Variants in PCDHGB5 observed in about 807,000 individuals in gnomAD.
PCDHGB5 encodes protocadherin gamma-B5.
Under a neutral mutation model 62.9 loss-of-function variants are expected in PCDHGB5, and 48 were observed. That is an observed-to-expected ratio of 0.76 (90% CI 0.61 to 0.97). PCDHGB5 has a LOEUF of 0.97. Among genes scored for constraint, PCDHGB5 ranks in the 50% least tolerant of loss-of-function variants. PCDHGB5 has a pLI of 0.00. For synonymous variants in PCDHGB5, 474 were observed against 511.2 expected (o/e 0.93, Z 0.98); for missense variants, 1,118 against 1,198.6 (o/e 0.93, Z 0.99).
At position 141,486,230 on chromosome 5, in the gene PCDHGB5, A is replaced by G. The variant is rs1463946178; in HGVS notation, c.2398-8577A>G. ...TGACAATGCCCCTTACATCACAGTG[A>G]CCTCAGAGCTTGGAACCCTCCCCGA... On this transcript the variant is annotated intron_variant, in intron 1 of 3. Coordinates refer to ENST00000617380, the MANE Select transcript of PCDHGB5 (RefSeq NM_018925.3). This position sits in a 1 kb window ranked among gnomAD's most constrained non-coding sequence, Gnocchi z 5.0. 2 of 1,613,898 alleles carry G rather than the reference A, an allele frequency of 1.2e-6. No individual in the cohort carries two copies. The highest frequency in any genetic ancestry group is 2.2e-5 in the East Asian group (1 of 44,878).
intron 1 of PCDHGB5, among the ~76,000 whole-genome samples, chr5:141,471,737 A>G (rs2099263581): frequency 6.6e-6 from 1 of 152,232 alleles, no homozygotes; most frequent in Non-Finnish European, 1.5e-5. Context: ...AAGGTTGGAG[A>G]CATAACATAT....
intron 3 of PCDHGB5, among the ~76,000 whole-genome samples, chr5:141,507,479 C>T (rs1050741571): frequency 1.3e-5 from 2 of 152,198 alleles, no homozygotes; most frequent in East Asian, 1.9e-4. Flanking sequence ...GACTGCTGGC[C>T]TCCTGAGGCA....
Position 141,423,519 on chromosome 5 carries a change from G to A in PCDHGB5, c.2397+22995G>A, listed in dbSNP as rs758742300. On this transcript the variant is annotated intron_variant, in intron 1 of 3. Coordinates refer to ENST00000617380, the MANE Select transcript of PCDHGB5 (RefSeq NM_018925.3). ...ACGAGGTCTCTCTCATTGCGGACTC[G>A]CAGAAGAGTCACCTGATTTTCCCCC... 8.1e-6 allele frequency: 13 copies of A among 1,613,752 alleles called. 1 individual carries two copies. In the South Asian group the frequency reaches 1.1e-4, roughly 14 times the overall value.
rs376937850 is a variant in PCDHGB5 at position 141,491,097 on chromosome 5, C to T, written c.2398-3710C>T. The T allele has an allele frequency of 1.2e-6, 2 of 1,614,170 alleles. No homozygotes were observed. Among genetic ancestry groups the T allele is most frequent in the Non-Finnish European group, 1.7e-6 (2 of 1,180,018 alleles). On this transcript the variant is annotated intron_variant, in intron 1 of 3. Coordinates refer to ENST00000617380, the MANE Select transcript of PCDHGB5 (RefSeq NM_018925.3). The surrounding 1 kb of genome is among the most constrained non-coding windows in gnomAD (Gnocchi z 6.9). ...CACAGTCCACAGCCCCAGGACTGTT[C>T]CTCGTGTCTACACACACTGGTGAGG...
rs1219684339 is a variant in PCDHGB5, at chr5:141,506,444, CAAAAAAAAAAA to C, written c.2545+974_2545+984del. Among the ~76,000 whole-genome samples, 33 of 95,024 alleles carry C rather than the reference CAAAAAAAAAAA, an allele frequency of 3.5e-4. No individual in the cohort carries two copies. The East Asian group carries it at 0.011, about 31-fold the overall frequency. The allele number at this position is 95,024 out of a possible 152,430, so 62.3% of individuals were successfully genotyped here. On this transcript the variant is annotated intron_variant, in intron 3 of 3. Coordinates refer to ENST00000617380, the MANE Select transcript of PCDHGB5 (RefSeq NM_018925.3). ...CCTGGGCAACAGTCTCGCTCTGTCTCAAAAAAAAAAAAAAAAAAAAAGAGCACAGGCTTTAG... is the reference window on the plus strand; with the variant it reads ...CCTGGGCAACAGTCTCGCTCTGTCTCAAAAAAAAAAGAGCACAGGCTTTAG...
At chr5:141,421,531 T>G (rs1318944446) in intron 1 of PCDHGB5, 1 of 1,613,904 alleles carries the variant, frequency 6.2e-7, no homozygotes, top group Non-Finnish European at 8.5e-7. Flanking sequence ...GACGGTGTCC[T>G]CCTGTTTTTT....
Position 141,403,122 on chromosome 5 carries a change from G to A in PCDHGB5, c.2397+2598G>A, listed in dbSNP as rs550510039. 4.3e-5 allele frequency: 69 copies of A among 1,613,932 alleles called. No individual in the cohort carries two copies. Among genetic ancestry groups the A allele is most frequent in the East Asian group, 8.9e-5 (4 of 44,898 alleles). ...TCCAAGGACCTGGCTCTGGAGCCCC[G>A]GGAGCTGGCGGAGCGCCGAGTCCGC... On this transcript the variant is annotated intron_variant, in intron 1 of 3. Transcript: ENST00000617380.
intron 1 of PCDHGB5, chr5:141,413,123 AAACACAC>A (rs2095606041): frequency 2.0e-6 from 3 of 1,526,818 alleles, no homozygotes; most frequent in Middle Eastern, 3.6e-4. Context: ...GAACCGGTTG[AAACACAC>A]AACGTGTCCA....
Position 141,487,686 on chromosome 5 carries a change from T to G in PCDHGB5, c.2398-7121T>G, listed in dbSNP as rs778973495. The G allele has an allele frequency of 4.4e-6, 7 of 1,605,914 alleles. 1 individual carries two copies. The African/African-American group carries it at 9.4e-5, about 21-fold the overall frequency. On this transcript the variant is annotated intron_variant, in intron 1 of 3. Coordinates refer to ENST00000617380, the MANE Select transcript of PCDHGB5 (RefSeq NM_018925.3). The surrounding 1 kb of genome is among the most constrained non-coding windows in gnomAD (Gnocchi z 5.0). Reference sequence around the variant, plus strand: ...CCAGGCATATGGCTAGGCCATGTCCTAGAGAGTACTGGCCTCTCAGTAAGT... The same window carrying G: ...CCAGGCATATGGCTAGGCCATGTCCGAGAGAGTACTGGCCTCTCAGTAAGT...
Position 141,399,283 on chromosome 5 carries a change from G to T in PCDHGB5, c.1156G>T (p.Val386Phe), listed in dbSNP as rs533695738. ...GGTTAATTGTCAATTACAAGGCGAA[G>T]TCCCTTTTAAGATTATCTCTTCATC... ...GEVNCQLQGE[V>F]PFKIISSSKN... is the part of the protein sequence containing the mutation. Residue 386 changes from valine (V) to phenylalanine (F), a missense_variant, in exon 1 of 4, where the codon GTC becomes TTC. Physicochemically the swap from Val to Phe is conservative, Grantham distance 50. Around this residue, in one of 2 missense-constraint regions of PCDHGB5, gnomAD observed 1,034 missense variants for 1,029.1 expected, o/e 1.00. Coordinates refer to ENST00000617380, the MANE Select transcript of PCDHGB5 (RefSeq NM_018925.3). The T allele has an allele frequency of 5.0e-6, 8 of 1,613,888 alleles. No individual in the cohort carries two copies. The South Asian group carries it at 7.7e-5, about 16-fold the overall frequency.
chr5:141,427,840 A>G (rs779622800), intron 1 of PCDHGB5: 1 of 1,548,180 alleles, frequency 6.5e-7, no homozygotes, highest in Non-Finnish European at 8.8e-7. Flanking sequence ...CGTGCCTTCG[A>G]CCACGAGCAG....
Position 141,418,262 on chromosome 5 carries a change from A to G in PCDHGB5, c.2397+17738A>G. On this transcript the variant is annotated intron_variant, in intron 1 of 3. Transcript: ENST00000617380. Reference sequence around the variant, plus strand: ...TAATGACCACGCCCCTCAATTCCGGAAAGATGAAATAAACTTAGAAATCAG... The same window carrying G: ...TAATGACCACGCCCCTCAATTCCGGGAAGATGAAATAAACTTAGAAATCAG... 2 of 1,614,068 alleles carry G rather than the reference A, an allele frequency of 1.2e-6. No homozygotes were observed. The highest frequency in any genetic ancestry group is 1.7e-6 in the Non-Finnish European group (2 of 1,179,902).
intron 1 of PCDHGB5, chr5:141,409,179 G>T (rs761754962): frequency 1.2e-5 from 20 of 1,613,988 alleles, no homozygotes; most frequent in Non-Finnish European, 1.6e-5. Context: ...GACGGAGGTG[G>T]TCTCTCTACC....
chr5:141,502,087 C>T (rs1289663374), intron 2 of PCDHGB5, among the ~76,000 whole-genome samples: 1 of 152,180 alleles, frequency 6.6e-6, no homozygotes, highest in Admixed American at 6.5e-5. Context: ...GGGCTGAGAA[C>T]ACCTGGCCTT....
chr5:141,414,572 C>T, intron 1 of PCDHGB5: 1 of 1,613,960 alleles, frequency 6.2e-7, no homozygotes, highest in Non-Finnish European at 8.5e-7. Context: ...ACCTATATCC[C>T]AGAGAACAAC....
At chr5:141,427,722 G>C (rs755543438) in intron 1 of PCDHGB5, 7 of 1,120,986 alleles carry the variant, frequency 6.2e-6, no homozygotes, top group Non-Finnish European at 9.3e-6. Context: ...CCTGGACCTA[G>C]GGCTGAATGG....
intron 2 of PCDHGB5, 114 bp from the exon 3 acceptor site, chr5:141,505,279 C>T: frequency 6.5e-7 from 1 of 1,541,274 alleles, no homozygotes; most frequent in Non-Finnish European, 8.7e-7. Context: ...AGAAACAGGT[C>T]TTGGGCATGG....
rs776721321 is a variant in PCDHGB5, at chr5:141,431,084, C to A, written c.2397+30560C>A. ...CAAGTGTCAATTAAATCTAGACATT[C>A]TGATGGAGGATAAAGTGAAAATATA... is the stretch of plus-strand genomic sequence containing the variant. On this transcript the variant is annotated intron_variant, in intron 1 of 3. Coordinates refer to ENST00000617380, the MANE Select transcript of PCDHGB5 (RefSeq NM_018925.3). This position sits in a 1 kb window ranked among gnomAD's most constrained non-coding sequence, Gnocchi z 4.8. The A allele has an allele frequency of 1.2e-6, 2 of 1,614,060 alleles. No homozygotes were observed. Among genetic ancestry groups the A allele is most frequent in the Non-Finnish European group, 1.7e-6 (2 of 1,180,002 alleles).
intron 2 of PCDHGB5, among the ~76,000 whole-genome samples, 199 bp downstream of exon 2, chr5:141,495,064 C>T (rs563712352): frequency 6.6e-6 from 1 of 152,296 alleles, no homozygotes; most frequent in South Asian, 2.1e-4. Context: ...GTTCAGGAAG[C>T]TCAATTCACA....
Sources: gnomAD v4.1 joint callset for allele counts (sites outside exome capture counted in the v4.1 genomes callset) on GRCh38, gnomAD v4.1.1 for gene constraint, gnomAD v4.1.1 regional missense constraint, Gnocchi (gnomAD v3.1) non-coding constraint, MANE v1.5 for transcripts, NCBI Gene and HGNC (gene_info 2026-07-23, HGNC 2026-07-21) for gene names.